Variants in ATP2C2 observed in about 807,000 individuals in gnomAD.
ATP2C2 encodes the protein calcium-transporting ATPase type 2C member 2.
ATP2C2 carries 171 observed loss-of-function variants against 110.8 expected under a neutral mutation model. The observed-to-expected ratio is 1.54, with a 90% confidence interval of 1.36 to 1.75. The LOEUF is 1.75. ATP2C2 is among the 40% of genes most tolerant of loss of function. The pLI is 0.00. For missense variants in ATP2C2, 1,963 were observed against 1,235.0 expected, an observed-to-expected ratio of 1.59 and a Z score of -8.84; for synonymous variants, 804 against 508.4, an observed-to-expected ratio of 1.58 and a Z score of -7.82.
chr16:84,463,347 G>A (rs1043390843), intron 26 of ATP2C2, among the ~76,000 whole-genome samples: 8 of 152,238 alleles, frequency 5.3e-5, no homozygotes, highest in Admixed American at 1.3e-4. Flanking sequence ...CTTCCAGCCC[G>A]AGTCCATAAC....
chr16:84,369,776 G>A (rs1384237604), intron 1 of ATP2C2, among the ~76,000 whole-genome samples: 2 of 152,122 alleles, frequency 1.3e-5, no homozygotes, highest in East Asian at 3.9e-4. Context: ...ATAGTGTTTT[G>A]TGCTTTTTTA....
At position 84,419,511 on chromosome 16, in the gene ATP2C2, C is replaced by G. The variant is rs531965718; in HGVS notation, c.625-2879C>G. On this transcript the variant is annotated intron_variant, in intron 7 of 26. Transcript: ENST00000262429. ...CTTCAGTTAGTCACGTCTGCATAGT[C>G]TCTGTCACCACATCAGAGAACACAT... 2.4e-4 allele frequency among the ~76,000 whole-genome samples: 36 copies of G among 152,306 alleles called. No individual in the cohort carries two copies. In the South Asian group the frequency reaches 7.5e-3, roughly 32 times the overall value.
intron 11 of ATP2C2, among the ~76,000 whole-genome samples, chr16:84,437,915 ATCTT>A (rs1908892007): frequency 1.3e-5 from 2 of 152,200 alleles, no homozygotes; most frequent in South Asian, 4.1e-4. Flanking sequence ...GCAATCGCTC[ATCTT>A]TCTTTCTTGT....
intron 11 of ATP2C2, among the ~76,000 whole-genome samples, chr16:84,427,750 A>G (rs1417800729): frequency 6.6e-6 from 1 of 152,046 alleles, no homozygotes; most frequent in Non-Finnish European, 1.5e-5. Flanking sequence ...AGGTCACTTC[A>G]TAGAAACAGA....
intron 23 of ATP2C2, 21 bp from the exon 24 acceptor site, chr16:84,460,633 T>G (rs199715817): frequency 1.2e-6 from 2 of 1,614,008 alleles, no homozygotes; most frequent in Admixed American, 3.3e-5. Flanking sequence ...TTTCAAAGTG[T>G]CTGTGTCTTG....
At chr16:84,415,612 G>C (rs1354793856) in intron 7 of ATP2C2, 21 bp downstream of exon 7, 1 of 1,579,610 alleles carries the variant, frequency 6.3e-7, no homozygotes, top group Non-Finnish European at 8.7e-7. Flanking sequence ...CCAAACCCTT[G>C]TCAATGGGGT....
intron 26 of ATP2C2, chr16:84,462,364 C>G (rs964006233): frequency 2.2e-5 from 11 of 507,162 alleles, no homozygotes; most frequent in African/African-American, 1.1e-4. Context: ...GTAGTAGGGT[C>G]TGGGGCCCAA....
chr16:84,445,464 G>T (rs9940612), intron 15 of ATP2C2, among the ~76,000 whole-genome samples: 5,345 of 152,146 alleles, frequency 0.035, 329 homozygotes, highest in African/African-American at 0.12. Flanking sequence ...CGCCTCGGCT[G>T]CCCAAAGTCC....
chr16:84,449,380 C>T (rs1910049836), intron 17 of ATP2C2, among the ~76,000 whole-genome samples: 1 of 152,186 alleles, frequency 6.6e-6, no homozygotes, highest in South Asian at 2.1e-4. Context: ...CCCCTCTTCC[C>T]GAGTGAGGGG....
At chr16:84,394,229 T>G (rs1597752491) in intron 1 of ATP2C2, among the ~76,000 whole-genome samples, 1 of 152,072 alleles carries the variant, frequency 6.6e-6, no homozygotes, top group East Asian at 1.9e-4. Context: ...GAAATTCACA[T>G]AACAAAATCA....
intron 20 of ATP2C2, among the ~76,000 whole-genome samples, chr16:84,453,615 G>C (rs1910522730): frequency 6.6e-6 from 1 of 152,154 alleles, no homozygotes; most frequent in Non-Finnish European, 1.5e-5. Context: ...AGCAACACTT[G>C]CGCTGACAGC....
chr16:84,386,877 C>CT (rs1904343024), intron 1 of ATP2C2, among the ~76,000 whole-genome samples: 1 of 152,092 alleles, frequency 6.6e-6, no homozygotes, highest in South Asian at 2.1e-4. Context: ...GATGCCTCCT[C>CT]TACCCTGTTG....
At chr16:84,436,640 C>G (rs1247601654) in intron 11 of ATP2C2, among the ~76,000 whole-genome samples, 1 of 152,174 alleles carries the variant, frequency 6.6e-6, no homozygotes, top group African/African-American at 2.4e-5. Flanking sequence ...TGGAGCTCCA[C>G]TGAAGTCACA....
chr16:84,388,301 G>C (rs1296788554), intron 1 of ATP2C2, among the ~76,000 whole-genome samples: 1 of 151,822 alleles, frequency 6.6e-6, no homozygotes. Flanking sequence ...CTGCAGCCTG[G>C]GTGAAAGAGC....
intron 2 of ATP2C2, among the ~76,000 whole-genome samples, chr16:84,402,364 A>C (rs1905384287): frequency 6.6e-6 from 1 of 152,214 alleles, no homozygotes; most frequent in East Asian, 1.9e-4. Context: ...TCTGTTGAAT[A>C]GTAGTGGTAA....
At chr16:84,429,783 G>C (rs952408075) in intron 11 of ATP2C2, among the ~76,000 whole-genome samples, 4 of 152,118 alleles carry the variant, frequency 2.6e-5, no homozygotes, top group African/African-American at 9.7e-5. Flanking sequence ...ATATTCCTGT[G>C]GCTGTCAAAA....
At chr16:84,385,021 C>T (rs1297453450) in intron 1 of ATP2C2, among the ~76,000 whole-genome samples, 1 of 152,130 alleles carries the variant, frequency 6.6e-6, no homozygotes. Context: ...TGCACTCCAG[C>T]CTAGGTGACA....
intron 24 of ATP2C2, 131 bp from the exon 25 acceptor site, chr16:84,461,582 GT>G: frequency 1.3e-6 from 1 of 799,028 alleles, no homozygotes; most frequent in Non-Finnish European, 2.2e-6. Context: ...AGGAAGCTGT[GT>G]GACCGATTCA....
intron 1 of ATP2C2, 33 bp from the exon 2 acceptor site, chr16:84,398,466 A>T (rs1370709008): frequency 6.9e-7 from 1 of 1,458,346 alleles, no homozygotes; most frequent in Non-Finnish European, 9.3e-7. Context: ...CAAAAGTTCA[A>T]TCCGCTAAAC....
Sources: allele counts gnomAD v4.1 joint callset (sites outside exome capture counted in the v4.1 genomes callset), GRCh38; gene constraint gnomAD v4.1.1; transcripts MANE v1.5; gene names NCBI Gene and HGNC (gene_info 2026-07-23, HGNC 2026-07-21).